The following FGF12 variants were observed in gnomAD, a reference collection of about 807,000 sequenced individuals.
FGF12 encodes fibroblast growth factor 12, also known as fibroblast growth factor 12B.
A neutral mutation model predicts 23.6 loss-of-function variants in FGF12; 14 were observed. The ratio of observed to expected loss-of-function variants is 0.59; its 90% CI spans 0.39 to 0.93. The LOEUF (loss-of-function observed/expected upper bound fraction) is 0.93, where lower values mean the gene tolerates loss of function less well. Among genes scored for constraint, FGF12 ranks in the 40% least tolerant of loss-of-function variants. The probability of loss-of-function intolerance (pLI) is 0.00; values close to 1 mark genes in which losing one functional copy is unlikely to be tolerated. For missense variants in FGF12, 175 were observed against 217.8 expected (o/e 0.80, Z 1.24); for synonymous variants, 62 against 77.3 (o/e 0.80, Z 1.04).
At chr3:192,166,595 A>G (rs1715173997) in intron 5 of FGF12, among the ~76,000 whole-genome samples, 1 of 152,234 alleles carries the variant, frequency 6.6e-6, no homozygotes, top group Non-Finnish European at 1.5e-5. Flanking sequence ...CAAATTACTC[A>G]ATATCTCTGT....
At chr3:192,395,450 C>A (rs1222771712) in intron 2 of FGF12, among the ~76,000 whole-genome samples, 3 of 152,132 alleles carry the variant, frequency 2.0e-5, no homozygotes, top group Admixed American at 2.0e-4. Flanking sequence ...GCCAAAAATA[C>A]TGATTTATTT....
chr3:192,392,871 T>C (rs1319746562), intron 2 of FGF12, among the ~76,000 whole-genome samples: 1 of 152,182 alleles, frequency 6.6e-6, no homozygotes, highest in Non-Finnish European at 1.5e-5. Flanking sequence ...GGTTCAAATA[T>C]GAAGGTAAAT....
At chr3:192,461,360 T>G (rs1722855824) in intron 2 of FGF12, among the ~76,000 whole-genome samples, 1 of 152,144 alleles carries the variant, frequency 6.6e-6, no homozygotes, top group Non-Finnish European at 1.5e-5. Context: ...ATTGAAAATA[T>G]TGGCACTGTG....
chr3:192,403,034 T>C (rs928586530), intron 2 of FGF12, among the ~76,000 whole-genome samples: 4 of 152,124 alleles, frequency 2.6e-5, no homozygotes, highest in African/African-American at 9.7e-5. Flanking sequence ...CAAAAGCAAA[T>C]ATACATGATG....
Position 192,356,894 on chromosome 3 carries a change from C to T in FGF12, c.124+3534G>A, listed in dbSNP as rs140792705. ...TTTAAATCCTTCTTCGATATTTTGA[C>T]TTCTAATCCCCACTCTGACAAAGTA... is the stretch of plus-strand genomic sequence containing the variant. On this transcript the variant is annotated intron_variant, in intron 3 of 5. Coordinates refer to ENST00000445105, the MANE Select transcript of FGF12 (RefSeq NM_004113.6). 4.7e-3 allele frequency among the ~76,000 whole-genome samples: 722 copies of T among 152,290 alleles called. 2 individuals carry two copies. Among genetic ancestry groups the T allele is most frequent in the Non-Finnish European group, 8.1e-3 (551 of 68,012 alleles).
At chr3:192,423,743 T>C (rs532348084) in intron 2 of FGF12, among the ~76,000 whole-genome samples, 5 of 152,308 alleles carry the variant, frequency 3.3e-5, no homozygotes, top group East Asian at 3.9e-4. Context: ...GTGGTTTCTC[T>C]GGTATAAGGT....
chr3:192,597,728 G>C (rs974435056), intron 2 of FGF12, among the ~76,000 whole-genome samples: 1 of 152,196 alleles, frequency 6.6e-6, no homozygotes, highest in Non-Finnish European at 1.5e-5. Flanking sequence ...TGCAAACAGT[G>C]CCCTGGCCAG....
intron 4 of FGF12, among the ~76,000 whole-genome samples, chr3:192,303,413 T>G (rs893937905): frequency 1.3e-5 from 2 of 152,122 alleles, no homozygotes; most frequent in Admixed American, 1.3e-4. Flanking sequence ...TGCTGAGAGA[T>G]AGCAACTCCT....
At chr3:192,435,410 A>G (rs1037586157) in intron 2 of FGF12, among the ~76,000 whole-genome samples, 1 of 152,206 alleles carries the variant, frequency 6.6e-6, no homozygotes, top group Non-Finnish European at 1.5e-5. Context: ...CCTCTAAAAG[A>G]GCCTGGCCAT....
chr3:192,383,644 C>T (rs1256576343), intron 2 of FGF12, among the ~76,000 whole-genome samples: 5 of 151,714 alleles, frequency 3.3e-5, no homozygotes, highest in African/African-American at 1.2e-4. Flanking sequence ...AAATCAAAGG[C>T]TAAATTTGTG....
At chr3:192,287,511 C>T (rs1714520170) in intron 4 of FGF12, among the ~76,000 whole-genome samples, 1 of 152,100 alleles carries the variant, frequency 6.6e-6, no homozygotes, top group Admixed American at 6.6e-5. Flanking sequence ...GAAGCAGCAA[C>T]CATGAGAAAA....
rs114031217 is a variant in FGF12 at position 192,248,771 on chromosome 3, C to A, written c.229-78115G>T. ...TTCCAGCCTGGGCAACAGAGAGAGACCCTGTCTCAAAATAAATACACAAAT... is the reference window on the plus strand; with the variant it reads ...TTCCAGCCTGGGCAACAGAGAGAGAACCTGTCTCAAAATAAATACACAAAT... On this transcript the variant is annotated intron_variant, in intron 4 of 5. Coordinates refer to ENST00000445105, the MANE Select transcript of FGF12 (RefSeq NM_004113.6). Among the ~76,000 whole-genome samples the A allele has an allele frequency of 5.2e-3, 791 of 152,170 alleles. 3 individuals are homozygous for A. The highest frequency in any genetic ancestry group is 0.018 in the African/African-American group (767 of 41,520).
Position 192,408,504 on chromosome 3 carries a change from G to C in FGF12, c.14-47966C>G. On this transcript the variant is annotated intron_variant, in intron 2 of 5. Coordinates refer to ENST00000445105, the MANE Select transcript of FGF12 (RefSeq NM_004113.6). The surrounding 1 kb of genome is among the most constrained non-coding windows in gnomAD (Gnocchi z 7.3). ...TCCCAGGCCCTCTTGCGAAGTAGACGTTTGCACCCCAAACTTGCACCCCAA... is the reference window on the plus strand; with the variant it reads ...TCCCAGGCCCTCTTGCGAAGTAGACCTTTGCACCCCAAACTTGCACCCCAA... The C allele has an allele frequency of 7.9e-7, 1 of 1,260,274 alleles. No individual in the cohort carries two copies. The highest frequency in any genetic ancestry group is 1.0e-6 in the Non-Finnish European group (1 of 1,001,740). 78.1% of individuals were successfully genotyped at this position (1,260,274 alleles called of 1,614,324 possible).
In FGF12 at chr3:192,408,879, G is replaced by A. The variant is rs1048673065; in HGVS notation, c.14-48341C>T. 3.5e-5 allele frequency: 34 copies of A among 985,326 alleles called. No individual in the cohort carries two copies. The highest frequency in any genetic ancestry group is 4.1e-5 in the Non-Finnish European group (34 of 829,976). The allele number at this position is 985,326 out of a possible 1,614,324, so 61.0% of individuals were successfully genotyped here. On this transcript the variant is annotated intron_variant, in intron 2 of 5. Coordinates refer to ENST00000445105, the MANE Select transcript of FGF12 (RefSeq NM_004113.6). The surrounding 1 kb of genome is among the most constrained non-coding windows in gnomAD (Gnocchi z 7.3). ...ATTAGGAGGTCCGTCCCAGCAGGGT[G>A]AGGTCTACAGAATGCATCGCGCCGG...
intron 2 of FGF12, among the ~76,000 whole-genome samples, chr3:192,382,910 T>A (rs1560093720): frequency 6.6e-6 from 1 of 152,164 alleles, no homozygotes; most frequent in East Asian, 1.9e-4. Flanking sequence ...TAGAGACTGA[T>A]AACGAGAGAA....
chr3:192,283,818 A>T (rs927211329), intron 4 of FGF12, among the ~76,000 whole-genome samples: 2 of 152,070 alleles, frequency 1.3e-5, no homozygotes, highest in African/African-American at 4.8e-5. Context: ...CACTGCCTGA[A>T]TAGTGACAAA....
chr3:192,172,985 T>C (rs1715652363), intron 4 of FGF12, among the ~76,000 whole-genome samples: 1 of 150,992 alleles, frequency 6.6e-6, no homozygotes, highest in South Asian at 2.1e-4. Context: ...CTGATTTATG[T>C]GGCAACAAGG....
intron 4 of FGF12, among the ~76,000 whole-genome samples, chr3:192,306,660 T>C (rs1310808393): frequency 1.3e-5 from 2 of 152,208 alleles, no homozygotes; most frequent in Non-Finnish European, 2.9e-5. Flanking sequence ...ATGTTGACCA[T>C]GAATGGTTTT....
In FGF12 at chr3:192,336,108, T is replaced by C. The variant is rs1366536432; in HGVS notation, c.125-644A>G. On this transcript the variant is annotated intron_variant, in intron 3 of 5. Transcript: ENST00000445105. The surrounding 1 kb of genome is among the most constrained non-coding windows in gnomAD (Gnocchi z 4.3). ...ATATATTTTATATCCAGGTGGGAAA[T>C]ACACACACACACACACACACACACA... Among the ~76,000 whole-genome samples the C allele has an allele frequency of 4.9e-5, 7 of 143,978 alleles. No homozygotes were observed. The highest frequency in any genetic ancestry group is 1.3e-4 in the African/African-American group (5 of 38,864). 94.5% of individuals were successfully genotyped at this position (143,978 alleles called of 152,430 possible).
Sources: allele counts gnomAD v4.1 joint callset (sites outside exome capture counted in the v4.1 genomes callset), GRCh38; gene constraint gnomAD v4.1.1; non-coding constraint Gnocchi (gnomAD v3.1); transcripts MANE v1.5; gene names NCBI Gene and HGNC (gene_info 2026-07-23, HGNC 2026-07-21).